Variants in HDAC4 observed in about 807,000 individuals in gnomAD.
The protein encoded by HDAC4 is histone deacetylase A.
A neutral mutation model predicts 135.1 loss-of-function variants in HDAC4; 16 were observed. That is an observed-to-expected ratio of 0.12 (90% CI 0.08 to 0.18). The LOEUF is 0.18. Among genes scored for constraint, HDAC4 ranks in the 10% least tolerant of loss-of-function variants. The pLI, the probability that HDAC4 is intolerant of heterozygous loss-of-function variation, is 1.00. For synonymous variants in HDAC4, 685 were observed against 653.4 expected (o/e 1.05, Z -0.74); for missense variants, 1,143 against 1,511.8 (o/e 0.76, Z 4.05).
intron 17 of HDAC4, chr2:239,094,403 A>G: frequency 1.6e-6 from 1 of 622,722 alleles, no homozygotes; most frequent in Non-Finnish European, 1.9e-6. Context: ...CCAGGTCCAT[A>G]TCATCAGCTC....
intron 13 of HDAC4, among the ~76,000 whole-genome samples, 159 bp from the exon 14 acceptor site, chr2:239,111,871 T>C (rs964001405): frequency 6.6e-6 from 1 of 152,208 alleles, no homozygotes; most frequent in Non-Finnish European, 1.5e-5. Flanking sequence ...AGGCCTTCCC[T>C]GTGAGTGCCC....
At chr2:239,376,518 C>T (rs1051722384) in intron 1 of HDAC4, among the ~76,000 whole-genome samples, 7 of 152,250 alleles carry the variant, frequency 4.6e-5, no homozygotes, top group Admixed American at 1.3e-4. Context: ...CAGACTCTGT[C>T]GACCGCCCTG....
intron 22 of HDAC4, among the ~76,000 whole-genome samples, chr2:239,072,106 C>T (rs975957395): frequency 3.3e-5 from 5 of 152,224 alleles, no homozygotes; most frequent in Non-Finnish European, 5.9e-5. Context: ...ACTCTTCCTA[C>T]CCAAGCTTCA....
At chr2:239,364,020 T>A (rs1267123338) in intron 1 of HDAC4, among the ~76,000 whole-genome samples, 1 of 152,106 alleles carries the variant, frequency 6.6e-6, no homozygotes, top group Non-Finnish European at 1.5e-5. Context: ...AACGGAACAC[T>A]CCATACCCAC....
At chr2:239,317,337 G>A (rs945156813) in intron 2 of HDAC4, among the ~76,000 whole-genome samples, 8 of 146,482 alleles carry the variant, frequency 5.5e-5, no homozygotes, top group African/African-American at 1.8e-4. Flanking sequence ...TGCAGGGGCC[G>A]ATCTACACAC....
intron 1 of HDAC4, among the ~76,000 whole-genome samples, chr2:239,394,046 G>A (rs60704445): frequency 0.022 from 2,367 of 107,236 alleles, 62 homozygotes; most frequent in African/African-American, 0.079. Flanking sequence ...GTTTAAAAAA[G>A]AACCGCTCCA....
At chr2:239,373,211 C>T (rs985755720) in intron 1 of HDAC4, among the ~76,000 whole-genome samples, 2 of 152,178 alleles carry the variant, frequency 1.3e-5, no homozygotes, top group African/African-American at 2.4e-5. Flanking sequence ...CTCCTCCAGC[C>T]ATGCCCGACA....
intron 2 of HDAC4, among the ~76,000 whole-genome samples, chr2:239,324,392 C>T (rs114969440): frequency 0.011 from 1,622 of 152,334 alleles, 21 homozygotes; most frequent in African/African-American, 0.037. Context: ...AATTAAAAGC[C>T]AAGAGAACAA....
At chr2:239,254,710 T>C (rs1379022261) in intron 2 of HDAC4, among the ~76,000 whole-genome samples, 2 of 151,964 alleles carry the variant, frequency 1.3e-5, no homozygotes, top group African/African-American at 4.8e-5. Context: ...ATGGAAAAAA[T>C]GTACAAATGC....
intron 3 of HDAC4, among the ~76,000 whole-genome samples, chr2:239,229,516 G>A (rs2047421751): frequency 6.6e-6 from 1 of 152,194 alleles, no homozygotes; most frequent in Non-Finnish European, 1.5e-5. Context: ...TTTATTTTAA[G>A]CCAAATACGA....
intron 2 of HDAC4, among the ~76,000 whole-genome samples, chr2:239,320,242 C>T (rs1441259487): frequency 3.3e-5 from 5 of 151,158 alleles, no homozygotes; most frequent in African/African-American, 4.9e-5. Flanking sequence ...AGTTAGCTGG[C>T]GTGGTGGGAG....
At chr2:239,132,418 A>T (rs1190851884) in intron 11 of HDAC4, among the ~76,000 whole-genome samples, 2 of 152,116 alleles carry the variant, frequency 1.3e-5, no homozygotes, top group Non-Finnish European at 2.9e-5. Flanking sequence ...TGTGCAGGAG[A>T]GAAGGGGCTT....
Position 239,156,728 on chromosome 2 carries a change from G to A in HDAC4, c.657C>T (p.Ser219=), listed in dbSNP as rs758890066. 39 of 1,613,988 alleles carry A rather than the reference G, an allele frequency of 2.4e-5. 1 individual carries two copies. The highest frequency in any genetic ancestry group is 1.8e-4 in the South Asian group (16 of 91,082). The stretch of plus-strand genomic sequence containing the variant: ...GGTGGTTATAGGAGGTCGACACTCC[G>A]CTCTGGGGTGGAGAACTCTGGTCAA... The part of the protein sequence containing the change: ...SSLDQSSPPQ[S]GVSTSYNHPV... The change falls in exon 7 of 27, where the codon AGC becomes AGT. Residue 219 remains serine, a synonymous_variant. Transcript: ENST00000543185.
chr2:239,283,416 C>T (rs554394065), intron 2 of HDAC4, among the ~76,000 whole-genome samples: 21 of 152,340 alleles, frequency 1.4e-4, no homozygotes, highest in African/African-American at 2.6e-4. Flanking sequence ...TCATGGCTAC[C>T]GCCCCCCATG....
At chr2:239,099,040 G>C (rs1312311869) in intron 16 of HDAC4, among the ~76,000 whole-genome samples, 1 of 152,240 alleles carries the variant, frequency 6.6e-6, no homozygotes, top group African/African-American at 2.4e-5. Flanking sequence ...ATGCTGCAGA[G>C]ACACTTCAAT....
intron 2 of HDAC4, among the ~76,000 whole-genome samples, chr2:239,268,710 G>A (rs925492518): frequency 6.6e-6 from 1 of 152,184 alleles, no homozygotes; most frequent in Non-Finnish European, 1.5e-5. Flanking sequence ...CAGAGAAAAG[G>A]GAACAGGACT....
At chr2:239,219,930 G>A (rs920979369) in intron 3 of HDAC4, among the ~76,000 whole-genome samples, 6 of 152,212 alleles carry the variant, frequency 3.9e-5, no homozygotes, top group African/African-American at 1.2e-4. Context: ...ACTTGCTCTT[G>A]TACACTCACG....
At chr2:239,377,058 C>T (rs769212948) in intron 1 of HDAC4, among the ~76,000 whole-genome samples, 10 of 152,154 alleles carry the variant, frequency 6.6e-5, no homozygotes, top group South Asian at 2.1e-4. Context: ...TACCCGTGAG[C>T]GTGCTTCAGA....
chr2:239,157,941 G>A (rs1252425800), intron 6 of HDAC4, among the ~76,000 whole-genome samples: 1 of 152,208 alleles, frequency 6.6e-6, no homozygotes, highest in Non-Finnish European at 1.5e-5. Flanking sequence ...CCGGAAAACT[G>A]CACAGCTTCA....
Sources: gnomAD v4.1 joint callset for allele counts (sites outside exome capture counted in the v4.1 genomes callset) on GRCh38, gnomAD v4.1.1 for gene constraint, MANE v1.5 for transcripts, NCBI Gene and HGNC (gene_info 2026-07-23, HGNC 2026-07-21) for gene names.